The following HTR4 variants were observed in gnomAD, a reference collection of about 807,000 sequenced individuals.
HTR4 encodes 5-hydroxytryptamine receptor 4.
HTR4 carries 16 observed loss-of-function variants against 36.8 expected under a neutral mutation model. The ratio of observed to expected loss-of-function variants is 0.43; its 90% CI spans 0.29 to 0.66. The LOEUF is 0.66. Ranked by LOEUF, HTR4 falls within the 30% of genes least tolerant of loss-of-function variation. The pLI is 0.13. For synonymous variants in HTR4, 189 were observed against 185.1 expected (o/e 1.02, Z -0.17); for missense variants, 438 against 490.9 (o/e 0.89, Z 1.02).
intron 4 of HTR4, among the ~76,000 whole-genome samples, chr5:148,537,223 GA>G (rs1216982221): frequency 6.6e-6 from 1 of 152,034 alleles, no homozygotes; most frequent in Non-Finnish European, 1.5e-5. Flanking sequence ...AGGATCTATG[GA>G]ACACAGCAAA....
chr5:148,506,888 G>T (rs1181540600), intron 6 of HTR4, among the ~76,000 whole-genome samples: 1 of 152,166 alleles, frequency 6.6e-6, no homozygotes, highest in Non-Finnish European at 1.5e-5. Flanking sequence ...GTGCTGGAGA[G>T]GATGTGGAGA....
intron 4 of HTR4, among the ~76,000 whole-genome samples, chr5:148,530,136 C>T (rs1385339396): frequency 6.6e-6 from 1 of 152,058 alleles, no homozygotes; most frequent in Non-Finnish European, 1.5e-5. Context: ...AATTTGCAGC[C>T]TGACAATAAA....
At chr5:148,523,623 A>G (rs1218162370) in intron 4 of HTR4, among the ~76,000 whole-genome samples, 1 of 152,190 alleles carries the variant, frequency 6.6e-6, no homozygotes, top group East Asian at 1.9e-4. Context: ...TGATTATATA[A>G]TACAACATGA....
At chr5:148,604,522 G>A (rs1752061415) in intron 2 of HTR4, among the ~76,000 whole-genome samples, 1 of 152,080 alleles carries the variant, frequency 6.6e-6, no homozygotes, top group Non-Finnish European at 1.5e-5. Context: ...CAGTAGAAAT[G>A]GGTACACATA....
intron 5 of HTR4, among the ~76,000 whole-genome samples, chr5:148,465,541 T>C (rs1270581917): frequency 6.6e-6 from 1 of 152,200 alleles, no homozygotes. Context: ...ATGAGAGGAC[T>C]TCTAAGAATC....
At chr5:148,489,827 A>G (rs907960619) in intron 6 of HTR4, among the ~76,000 whole-genome samples, 1 of 152,090 alleles carries the variant, frequency 6.6e-6, no homozygotes, top group Non-Finnish European at 1.5e-5. Context: ...CTCTCTGCCC[A>G]CTGCAAGTCC....
chr5:148,494,766 C>T (rs1756612025), intron 6 of HTR4, among the ~76,000 whole-genome samples: 1 of 152,162 alleles, frequency 6.6e-6, no homozygotes, highest in South Asian at 2.1e-4. Context: ...AGCCAAGAGC[C>T]ACTCACCACA....
intron 1 of HTR4, among the ~76,000 whole-genome samples, chr5:148,647,615 G>A (rs1753910952): frequency 6.6e-6 from 1 of 152,172 alleles, no homozygotes; most frequent in African/African-American, 2.4e-5. Flanking sequence ...TTGGGAGGCC[G>A]AGACTGGCAG....
chr5:148,544,081 G>A (rs1561608910), intron 4 of HTR4, among the ~76,000 whole-genome samples: 1 of 150,818 alleles, frequency 6.6e-6, no homozygotes, highest in Non-Finnish European at 1.5e-5. Context: ...GAAAATTGAA[G>A]TTTAAAATGT....
At chr5:148,525,304 A>T (rs972432138) in intron 4 of HTR4, among the ~76,000 whole-genome samples, 1 of 152,200 alleles carries the variant, frequency 6.6e-6, no homozygotes, top group African/African-American at 2.4e-5. Flanking sequence ...TTAATGATGA[A>T]TTTGAAGTGG....
intron 2 of HTR4, among the ~76,000 whole-genome samples, chr5:148,617,698 A>T (rs765631892): frequency 6.6e-6 from 1 of 151,828 alleles, no homozygotes; most frequent in Non-Finnish European, 1.5e-5. Context: ...CAAACTCCTG[A>T]CTTTGTGATC....
At chr5:148,583,644 TC>T (rs1761236104) in intron 2 of HTR4, among the ~76,000 whole-genome samples, 2 of 151,732 alleles carry the variant, frequency 1.3e-5, no homozygotes, top group African/African-American at 4.8e-5. Flanking sequence ...ATCATCATCA[TC>T]ATCATTATTA....
intron 4 of HTR4, among the ~76,000 whole-genome samples, chr5:148,526,427 G>C (rs1183869506): frequency 1.3e-5 from 2 of 152,142 alleles, no homozygotes; most frequent in African/African-American, 4.8e-5. Flanking sequence ...AATGAATTCT[G>C]CCCTATCTTT....
chr5:148,503,229 G>A (rs1757019944), intron 6 of HTR4, among the ~76,000 whole-genome samples: 1 of 152,126 alleles, frequency 6.6e-6, no homozygotes, highest in Non-Finnish European at 1.5e-5. Flanking sequence ...AAAATGTTAA[G>A]GGCAGCCAGA....
At chr5:148,496,823 T>C (rs372601655) in intron 6 of HTR4, among the ~76,000 whole-genome samples, 3 of 152,356 alleles carry the variant, frequency 2.0e-5, no homozygotes, top group South Asian at 4.1e-4. Flanking sequence ...GCAGTGATGT[T>C]CACCGTACTG....
At chr5:148,551,428 G>T (rs1250735725) in intron 2 of HTR4, among the ~76,000 whole-genome samples, 1 of 152,048 alleles carries the variant, frequency 6.6e-6, no homozygotes, top group Non-Finnish European at 1.5e-5. Context: ...GTTCAAATTT[G>T]TGTTCTTGTC....
At chr5:148,587,978 G>A (rs924923018) in intron 2 of HTR4, among the ~76,000 whole-genome samples, 1 of 152,092 alleles carries the variant, frequency 6.6e-6, no homozygotes, top group Non-Finnish European at 1.5e-5. Flanking sequence ...GGGGATAACT[G>A]ACTGCCCTCA....
chr5:148,490,282 G>A (rs1268184086), intron 6 of HTR4, among the ~76,000 whole-genome samples: 1 of 151,030 alleles, frequency 6.6e-6, no homozygotes, highest in East Asian at 1.9e-4. Flanking sequence ...CATCAAATTA[G>A]CTGTTTACCA....
chr5:148,555,948 A>T (rs116721627), intron 2 of HTR4, among the ~76,000 whole-genome samples: 2 of 133,314 alleles, frequency 1.5e-5, no homozygotes, highest in Admixed American at 1.6e-4. Context: ...ATACTTTGTC[A>T]CACACACACA....
Sources: allele counts gnomAD v4.1 joint callset (sites outside exome capture counted in the v4.1 genomes callset), GRCh38; gene constraint gnomAD v4.1.1; transcripts MANE v1.5; gene names NCBI Gene and HGNC (gene_info 2026-07-23, HGNC 2026-07-21).